CORO2B: variants seen among roughly 807,000 people sequenced by gnomAD.
CORO2B encodes coronin-2B.
In CORO2B, 26 loss-of-function variants were observed where a neutral mutation model predicts 58.8. That is an observed-to-expected ratio of 0.44 (90% CI 0.32 to 0.61). The LOEUF (loss-of-function observed/expected upper bound fraction) is 0.61, where lower values mean the gene tolerates loss of function less well. CORO2B is among the 20% of genes least tolerant of loss of function. The pLI is 0.04. For synonymous variants in CORO2B, 242 were observed against 253.8 expected, an observed-to-expected ratio of 0.95 and a Z score of 0.44; for missense variants, 460 against 645.1, an observed-to-expected ratio of 0.71 and a Z score of 3.11.
the CORO2B span, among the ~76,000 whole-genome samples, chr15:68,570,895 G>A: frequency 0.012 from 1,720 of 138,210 alleles, 12 homozygotes; most frequent in Middle Eastern, 0.04. Flanking sequence ...AGCCTCAGCC[G>A]CCCACAGTGC....
chr15:68,547,344 A>T, the CORO2B span, among the ~76,000 whole-genome samples: 2 of 152,346 alleles, frequency 1.3e-5, no homozygotes, highest in South Asian at 4.1e-4. Flanking sequence ...CTCCCTAATT[A>T]TAGTAATCAT....
At chr15:68,654,887 G>A (rs1297321296) in intron 2 of CORO2B, among the ~76,000 whole-genome samples, 2 of 152,220 alleles carry the variant, frequency 1.3e-5, no homozygotes, top group Non-Finnish European at 2.9e-5. Context: ...CTGTTGTCTG[G>A]CACAGTCCCT....
intron 3 of CORO2B, among the ~76,000 whole-genome samples, chr15:68,700,803 G>GGA (rs10548187): frequency 6.6e-6 from 1 of 151,858 alleles, no homozygotes; most frequent in African/African-American, 2.4e-5. Flanking sequence ...CAGCAGCCGC[G>GGA]GAGAGAGAGA....
At chr15:68,529,059 C>G in the CORO2B span, among the ~76,000 whole-genome samples, 6 of 152,172 alleles carry the variant, frequency 3.9e-5, no homozygotes, top group African/African-American at 1.4e-4. Flanking sequence ...TAGATATCTT[C>G]TGATCTCTGA....
At position 68,723,856 on chromosome 15, in the gene CORO2B, C is replaced by T. The variant is rs1436813180; in HGVS notation, c.1312-1987C>T. ...TCAGGAGGCTCAGGTGGGAAGATCG[C>T]TTGAGCCCAGGAGTTTGAGTCCAGC... On this transcript the variant is annotated intron_variant, in intron 11 of 11. Transcript: ENST00000261861. 9.2e-5 allele frequency among the ~76,000 whole-genome samples: 14 copies of T among 152,286 alleles called. No individual in the cohort carries two copies. In the East Asian group the frequency reaches 2.7e-3, roughly 29 times the overall value.
chr15:68,604,886 C>A (rs1051880176), intron 1 of CORO2B, among the ~76,000 whole-genome samples: 1 of 152,096 alleles, frequency 6.6e-6, no homozygotes, highest in African/African-American at 2.4e-5. Context: ...GAGGCCAAGG[C>A]GGGCTGATCA....
chr15:68,678,172 C>G (rs996839559), intron 2 of CORO2B, among the ~76,000 whole-genome samples: 1 of 152,202 alleles, frequency 6.6e-6, no homozygotes, highest in African/African-American at 2.4e-5. Flanking sequence ...ACAACACTGG[C>G]GGGGTTAGGA....
the CORO2B span, among the ~76,000 whole-genome samples, chr15:68,540,629 T>C: frequency 6.6e-6 from 1 of 152,248 alleles, no homozygotes; most frequent in Admixed American, 6.5e-5. Context: ...CATTTTCCCA[T>C]TTTGTCACAC....
chr15:68,620,493 A>G (rs1192813224), intron 1 of CORO2B, among the ~76,000 whole-genome samples: 2 of 152,118 alleles, frequency 1.3e-5, no homozygotes, highest in African/African-American at 4.8e-5. Context: ...GAAAGGACAG[A>G]ACACTTGTCC....
intron 3 of CORO2B, among the ~76,000 whole-genome samples, chr15:68,703,584 A>T (rs541527725): frequency 1.3e-5 from 2 of 151,978 alleles, no homozygotes; most frequent in African/African-American, 4.8e-5. Flanking sequence ...GTGAACTCCA[A>T]CTCCTCCTGT....
At chr15:68,716,472 C>T (rs535906410) in intron 8 of CORO2B, among the ~76,000 whole-genome samples, 1 of 152,310 alleles carries the variant, frequency 6.6e-6, no homozygotes, top group South Asian at 2.1e-4. Flanking sequence ...AGACCCTGCG[C>T]GAAGTCCAGT....
intron 1 of CORO2B, among the ~76,000 whole-genome samples, chr15:68,610,058 A>C (rs1273138672): frequency 6.6e-6 from 1 of 152,196 alleles, no homozygotes; most frequent in African/African-American, 2.4e-5. Context: ...ATGCGGTGAC[A>C]ATTCCATGTG....
chr15:68,657,540 A>C (rs558521601), intron 2 of CORO2B, among the ~76,000 whole-genome samples: 3 of 144,906 alleles, frequency 2.1e-5, no homozygotes, highest in Non-Finnish European at 4.6e-5. Context: ...AAAAAAAGGA[A>C]ATACAGTTAT....
At chr15:68,722,156 A>C (rs922715789) in intron 11 of CORO2B, among the ~76,000 whole-genome samples, 3 of 152,202 alleles carry the variant, frequency 2.0e-5, no homozygotes, top group Admixed American at 2.0e-4. Context: ...CAGTTCTGGC[A>C]CTGGGTCTGG....
At chr15:68,630,808 T>C (rs1900807576) in intron 1 of CORO2B, among the ~76,000 whole-genome samples, 1 of 152,196 alleles carries the variant, frequency 6.6e-6, no homozygotes, top group Non-Finnish European at 1.5e-5. Context: ...CTTTTGGTTG[T>C]AGGCTTGTTA....
chr15:68,575,926 G>A (rs965866462), upstream of CORO2B, among the ~76,000 whole-genome samples: 3 of 151,360 alleles, frequency 2.0e-5, no homozygotes, highest in South Asian at 2.1e-4. Flanking sequence ...AGGCCGAGGC[G>A]GGCAGGTCAC....
At chr15:68,616,695 G>A in intron 1 of CORO2B, 2 of 883,800 alleles carry the variant, frequency 2.3e-6, no homozygotes, top group East Asian at 1.2e-4. Context: ...CATGGGCGAG[G>A]GCTAGCGTTA....
chr15:68,594,692 C>T (rs561535091), intron 1 of CORO2B, among the ~76,000 whole-genome samples: 2 of 152,132 alleles, frequency 1.3e-5, no homozygotes, highest in African/African-American at 2.4e-5. Flanking sequence ...CCCATGTCTG[C>T]GAGCCAATGA....
chr15:68,718,522 C>A (rs1455904226), intron 8 of CORO2B, among the ~76,000 whole-genome samples, 176 bp from the exon 9 acceptor site: 6 of 152,158 alleles, frequency 3.9e-5, no homozygotes, highest in Non-Finnish European at 8.8e-5. Context: ...AAGTGACCAC[C>A]CAGAGACAGA....
Sources: gnomAD v4.1 joint callset for allele counts (sites outside exome capture counted in the v4.1 genomes callset) on GRCh38, gnomAD v4.1.1 for gene constraint, MANE v1.5 for transcripts, NCBI Gene and HGNC (gene_info 2026-07-23, HGNC 2026-07-21) for gene names.